The following GRIN2A variants were observed in gnomAD, a reference collection of about 807,000 sequenced individuals.
The protein encoded by GRIN2A is glutamate ionotropic receptor NMDA type subunit 2A, also known as glutamate receptor ionotropic, NMDA 2A.
A neutral mutation model predicts 113.4 loss-of-function variants in GRIN2A; 22 were observed. That is an observed-to-expected ratio of 0.19 (90% CI 0.14 to 0.28). The LOEUF is 0.28. Among genes scored for constraint, GRIN2A ranks in the 10% least tolerant of loss-of-function variants. The probability of loss-of-function intolerance (pLI) is 1.00; values close to 1 mark genes in which losing one functional copy is unlikely to be tolerated. For synonymous variants in GRIN2A, 827 were observed against 738.4 expected (o/e 1.12, Z -1.94); for missense variants, 1,502 against 1,887.0 (o/e 0.80, Z 3.78).
chr16:9,814,960 G>T (rs952033263), intron 10 of GRIN2A, among the ~76,000 whole-genome samples: 71 of 151,146 alleles, frequency 4.7e-4, no homozygotes, highest in African/African-American at 1.7e-3. Flanking sequence ...GGCAGAGGTT[G>T]TGGTGAGCCG....
At chr16:10,044,955 C>G (rs527659352) in intron 2 of GRIN2A, among the ~76,000 whole-genome samples, 1 of 152,256 alleles carries the variant, frequency 6.6e-6, no homozygotes, top group African/African-American at 2.4e-5. Context: ...ATTCCCTAAT[C>G]AATGACCAGG....
intron 2 of GRIN2A, among the ~76,000 whole-genome samples, chr16:10,080,611 C>G (rs930217883): frequency 1.3e-5 from 2 of 152,184 alleles, no homozygotes; most frequent in African/African-American, 2.4e-5. Flanking sequence ...TGATGGATTT[C>G]TCCACGGCAG....
intron 5 of GRIN2A, among the ~76,000 whole-genome samples, chr16:9,846,865 G>T (rs2042781986): frequency 6.6e-6 from 1 of 152,206 alleles, no homozygotes; most frequent in Non-Finnish European, 1.5e-5. Flanking sequence ...TGAGTCTCCT[G>T]TGAGGTGGTG....
intron 3 of GRIN2A, among the ~76,000 whole-genome samples, chr16:9,902,982 T>TGGGGGGGGGGG (rs2043960899): frequency 1.4e-4 from 1 of 7,248 alleles, no homozygotes; most frequent in African/African-American, 5.4e-4. Flanking sequence ...GGGGGGTGGG[T>TGGGGGGGGGGG]GGGGGTGACG....
chr16:9,999,801 C>A (rs2046290207), intron 2 of GRIN2A, among the ~76,000 whole-genome samples: 1 of 152,162 alleles, frequency 6.6e-6, no homozygotes, highest in South Asian at 2.1e-4. Flanking sequence ...GGCTCTCACA[C>A]AGGGGGTATT....
chr16:10,094,115 C>A (rs2048238366), intron 2 of GRIN2A, among the ~76,000 whole-genome samples: 1 of 152,172 alleles, frequency 6.6e-6, no homozygotes, highest in South Asian at 2.1e-4. Context: ...TTACTCTCTG[C>A]TCAGCACTAA....
intron 2 of GRIN2A, among the ~76,000 whole-genome samples, chr16:9,944,514 T>C (rs935818458): frequency 3.3e-5 from 5 of 152,068 alleles, no homozygotes; most frequent in African/African-American, 1.2e-4. Flanking sequence ...TCATAGCCAA[T>C]ATCTCTCTTG....
chr16:10,085,411 T>C (rs1462876111), intron 2 of GRIN2A, among the ~76,000 whole-genome samples: 1 of 152,214 alleles, frequency 6.6e-6, no homozygotes, highest in South Asian at 2.1e-4. Context: ...GTCATATACA[T>C]GCCATGTTCA....
At chr16:10,158,760 G>A (rs1250226648) in intron 2 of GRIN2A, among the ~76,000 whole-genome samples, 1 of 152,170 alleles carries the variant, frequency 6.6e-6, no homozygotes, top group African/African-American at 2.4e-5. Flanking sequence ...GGAGCTGGAG[G>A]GGTGGGGAAA....
At chr16:10,176,084 A>C (rs1666857) in intron 2 of GRIN2A, among the ~76,000 whole-genome samples, 40,200 of 147,376 alleles carry the variant, frequency 0.27, 5,991 homozygotes, top group East Asian at 0.38. Context: ...GGCTTGCTGC[A>C]ACCTCCACCT....
At chr16:10,092,660 A>G (rs11074569) in intron 2 of GRIN2A, among the ~76,000 whole-genome samples, 29,785 of 152,140 alleles carry the variant, frequency 0.2, 3,595 homozygotes, top group East Asian at 0.44. Context: ...GTTCTATTTT[A>G]TCCCTTTTAA....
chr16:10,073,749 C>CA (rs200719713), intron 2 of GRIN2A, among the ~76,000 whole-genome samples: 6,338 of 123,014 alleles, frequency 0.052, 473 homozygotes, highest in African/African-American at 0.18. Flanking sequence ...ACTAAAAATC[C>CA]AGAAAAAAAA....
chr16:9,831,265 G>A (rs2042487382), intron 8 of GRIN2A, among the ~76,000 whole-genome samples: 1 of 152,156 alleles, frequency 6.6e-6, no homozygotes, highest in Non-Finnish European at 1.5e-5. Context: ...AGGATGGGCT[G>A]TGGGTGGTTT....
At chr16:9,771,925 T>C (rs1253610592) in intron 11 of GRIN2A, among the ~76,000 whole-genome samples, 7 of 152,220 alleles carry the variant, frequency 4.6e-5, no homozygotes, top group African/African-American at 1.7e-4. Context: ...TTGCATTTTC[T>C]TCACTTTGAT....
At chr16:9,833,999 G>T (rs2042543719) in intron 8 of GRIN2A, 106 bp downstream of exon 8, 1 of 1,140,420 alleles carries the variant, frequency 8.8e-7, no homozygotes, top group Non-Finnish European at 1.3e-6. Flanking sequence ...TTACAGGCGT[G>T]AGCCACCATG....
intron 2 of GRIN2A, among the ~76,000 whole-genome samples, chr16:10,023,093 G>A (rs1320667978): frequency 1.3e-5 from 2 of 152,126 alleles, no homozygotes; most frequent in Admixed American, 6.5e-5. Flanking sequence ...TGTAAAAAGA[G>A]GGCTCTACCA....
intron 2 of GRIN2A, among the ~76,000 whole-genome samples, chr16:9,956,681 G>A (rs1477461770): frequency 6.6e-6 from 1 of 152,206 alleles, no homozygotes; most frequent in Non-Finnish European, 1.5e-5. Context: ...CTACACACGT[G>A]TAAAATTGCC....
intron 2 of GRIN2A, among the ~76,000 whole-genome samples, chr16:10,042,208 TA>T (rs1488189187): frequency 3.3e-5 from 5 of 152,156 alleles, no homozygotes; most frequent in African/African-American, 1.2e-4. Context: ...CTTCAAAAGG[TA>T]AAGCTTAATC....
At chr16:9,875,132 G>A (rs2043339188) in intron 4 of GRIN2A, among the ~76,000 whole-genome samples, 1 of 150,596 alleles carries the variant, frequency 6.6e-6, no homozygotes, top group Non-Finnish European at 1.5e-5. Flanking sequence ...AAGTAGCTGG[G>A]ACTACAGGTG....
Sources: gnomAD v4.1 joint callset for allele counts (sites outside exome capture counted in the v4.1 genomes callset) on GRCh38, gnomAD v4.1.1 for gene constraint, MANE v1.5 for transcripts, NCBI Gene and HGNC (gene_info 2026-07-23, HGNC 2026-07-21) for gene names.